CDK6: variants seen among roughly 807,000 people sequenced by gnomAD.
CDK6 encodes cyclin-dependent kinase 6.
CDK6 carries 6 observed loss-of-function variants against 37.1 expected under a neutral mutation model. The ratio of observed to expected loss-of-function variants is 0.16; its 90% confidence interval spans 0.09 to 0.32. The LOEUF (loss-of-function observed/expected upper bound fraction) is 0.32. CDK6 is among the 10% of genes least tolerant of loss of function. The probability of loss-of-function intolerance (pLI) is 1.00; values close to 1 mark genes in which losing one functional copy is unlikely to be tolerated. For synonymous variants in CDK6, 160 were observed against 161.3 expected, an observed-to-expected ratio of 0.99 and a Z score of 0.06; for missense variants, 224 against 418.9, an observed-to-expected ratio of 0.53 and a Z score of 4.06.
intron 4 of CDK6, among the ~76,000 whole-genome samples, chr7:92,696,096 C>T (rs956023833): frequency 2.0e-5 from 3 of 152,200 alleles, no homozygotes; most frequent in African/African-American, 7.2e-5. Context: ...AGGCAATGGA[C>T]TCAAGGTTAT....
intron 3 of CDK6, among the ~76,000 whole-genome samples, chr7:92,768,693 T>C (rs1799641996): frequency 6.6e-6 from 1 of 152,200 alleles, no homozygotes; most frequent in South Asian, 2.1e-4. Context: ...CACCTTATTA[T>C]GCAACATCTG....
At chr7:92,790,747 GA>G (rs1800261103) in intron 2 of CDK6, among the ~76,000 whole-genome samples, 1 of 152,040 alleles carries the variant, frequency 6.6e-6, no homozygotes, top group Non-Finnish European at 1.5e-5. Context: ...GGAATTTTAA[GA>G]AATGATAAAA....
rs1432152054 is a variant in CDK6, at chr7:92,611,508, TAC to T, written c.*3630_*3631del. 1 of 227,388 alleles carries T rather than the reference TAC, an allele frequency of 4.4e-6. No individual in the cohort carries two copies. The highest frequency in any genetic ancestry group is 8.7e-6 in the Non-Finnish European group (1 of 114,508). 14.1% of individuals were successfully genotyped at this position (227,388 alleles called of 1,614,324 possible). A position where few individuals can be genotyped will look rare whatever the true frequency, so the allele number is the denominator to read the frequency against. The stretch of plus-strand genomic sequence containing the variant: ...AATATGTTTATGATATTAGGAAGCT[TAC>T]ATAATTTAATTTCCACAATGGAACA... On this transcript the variant is annotated 3_prime_UTR_variant, in exon 8 of 8. Coordinates refer to ENST00000424848, the MANE Select transcript of CDK6 (RefSeq NM_001145306.2).
intron 5 of CDK6, among the ~76,000 whole-genome samples, chr7:92,644,391 T>C (rs927447039): frequency 2.0e-5 from 3 of 152,234 alleles, no homozygotes; most frequent in African/African-American, 4.8e-5. Context: ...TCACGATTAC[T>C]ATCTCATGTT....
At position 92,613,142 on chromosome 7, in the gene CDK6, GA is replaced by G. The variant is rs1213675951; in HGVS notation, c.*1997del. Reference sequence around the variant, plus strand: ...TCCTGTTCCTCAAGCTACTGAATTAGAACAATGTTAAGTAGTACAGCAATTA... The same window carrying G: ...TCCTGTTCCTCAAGCTACTGAATTAGACAATGTTAAGTAGTACAGCAATTA... On this transcript the variant is annotated 3_prime_UTR_variant, in exon 8 of 8. Coordinates refer to ENST00000424848, the MANE Select transcript of CDK6 (RefSeq NM_001145306.2). The G allele has an allele frequency of 4.3e-6, 1 of 232,938 alleles. No individual in the cohort carries two copies. Among genetic ancestry groups the G allele is most frequent in the Admixed American group, 5.6e-5 (1 of 17,780 alleles). 14.4% of individuals were successfully genotyped at this position (232,938 alleles called of 1,614,324 possible).
intron 4 of CDK6, among the ~76,000 whole-genome samples, chr7:92,675,118 G>A (rs545501703): frequency 6.6e-6 from 1 of 152,324 alleles, no homozygotes; most frequent in African/African-American, 2.4e-5. Context: ...ACAGGTGTGA[G>A]CCACTGTGCT....
In CDK6 at chr7:92,834,561, A is replaced by G. The variant is rs892368863; in HGVS notation, c.-367-871T>C. On this transcript the variant is annotated intron_variant, in intron 1 of 7. Transcript: ENST00000424848. The surrounding 1 kb of genome is among the most constrained non-coding windows in gnomAD (Gnocchi z 4.6). ...GTGGGAGAAAGGGGTGTTCGCCACA[A>G]TTTCGCTTGTCGTCTCCTTAAAGAA... Among the ~76,000 whole-genome samples, 1 of 151,384 alleles carries G rather than the reference A, an allele frequency of 6.6e-6. No homozygotes were observed. The highest frequency in any genetic ancestry group is 6.6e-5 in the Admixed American group (1 of 15,222).
At chr7:92,646,196 A>C (rs572835536) in intron 5 of CDK6, among the ~76,000 whole-genome samples, 2 of 152,278 alleles carry the variant, frequency 1.3e-5, no homozygotes, top group East Asian at 3.9e-4. Context: ...AACAGTTTTA[A>C]AAATCTGTAC....
intron 4 of CDK6, among the ~76,000 whole-genome samples, chr7:92,704,924 A>C (rs1421178136): frequency 6.6e-6 from 1 of 152,248 alleles, no homozygotes; most frequent in Non-Finnish European, 1.5e-5. Flanking sequence ...TATTTTCTAA[A>C]GTAGAGTATC....
chr7:92,780,536 G>A (rs1411035624), intron 2 of CDK6, among the ~76,000 whole-genome samples: 3 of 151,778 alleles, frequency 2.0e-5, no homozygotes, highest in African/African-American at 4.8e-5. Context: ...CGAGGAGGGC[G>A]GCTCACGAGG....
chr7:92,735,598 C>A (rs1220285345), intron 3 of CDK6, among the ~76,000 whole-genome samples: 9 of 152,192 alleles, frequency 5.9e-5, no homozygotes. Context: ...CAAGCGCTAT[C>A]CAGCTAGATT....
At chr7:92,806,336 C>T (rs535790830) in intron 2 of CDK6, among the ~76,000 whole-genome samples, 9 of 152,252 alleles carry the variant, frequency 5.9e-5, no homozygotes, top group East Asian at 1.9e-4. Flanking sequence ...CTATCAAAGA[C>T]GCCCGTTAAA....
chr7:92,821,723 TTA>T (rs941385999), intron 2 of CDK6, among the ~76,000 whole-genome samples: 23 of 151,346 alleles, frequency 1.5e-4, no homozygotes, highest in African/African-American at 4.4e-4. Flanking sequence ...ATAAATTATG[TTA>T]TATATATAAT....
chr7:92,672,190 TACACACACACAC>T lies in CDK6; in HGVS notation c.538-667_538-656del, dbSNP rs71107866. Among the ~76,000 whole-genome samples, 42 of 62,778 alleles carry T rather than the reference TACACACACACAC, an allele frequency of 6.7e-4. No homozygotes were observed. The East Asian group carries it at 8.8e-3, about 13-fold the overall frequency. The allele number at this position is 62,778 out of a possible 152,430, so 41.2% of individuals were successfully genotyped here. On this transcript the variant is annotated intron_variant, in intron 4 of 7. Transcript: ENST00000424848. ...ATACACACACACACACACAGACACA[TACACACACACAC>T]ACACACACACACACACACACACACA...
intron 3 of CDK6, among the ~76,000 whole-genome samples, chr7:92,756,055 T>C (rs1799311533): frequency 6.6e-6 from 1 of 151,520 alleles, no homozygotes; most frequent in Middle Eastern, 3.2e-3. Context: ...TTTAATATAA[T>C]AAGGGATCAA....
chr7:92,702,220 CTTTTTTTTTTTTTTTTTT>C lies in CDK6; in HGVS notation c.537+23388_537+23405del, dbSNP rs3066453. On this transcript the variant is annotated intron_variant, in intron 4 of 7. Coordinates refer to ENST00000424848, the MANE Select transcript of CDK6 (RefSeq NM_001145306.2). ...AATATGTTGCATTATCAAGTATATT[CTTTTTTTTTTTTTTTTTT>C]TTTTTTTTTTTTGAGACAGAGTCTT... Among the ~76,000 whole-genome samples, 14 of 44,958 alleles carry C rather than the reference CTTTTTTTTTTTTTTTTTT, an allele frequency of 3.1e-4. 1 individual carries two copies. The Admixed American group carries it at 3.8e-3, about 12-fold the overall frequency. The allele number at this position is 44,958 out of a possible 152,430, so 29.5% of individuals were successfully genotyped here. A position where few individuals can be genotyped will look rare whatever the true frequency, so the allele number is the denominator to read the frequency against.
chr7:92,788,943 C>A (rs1037857221), intron 2 of CDK6, among the ~76,000 whole-genome samples: 1 of 151,988 alleles, frequency 6.6e-6, no homozygotes, highest in African/African-American at 2.4e-5. Context: ...ACAAAGAACC[C>A]CCTCATCTCT....
intron 3 of CDK6, among the ~76,000 whole-genome samples, chr7:92,759,972 A>G (rs1243681616): frequency 1.3e-5 from 2 of 152,132 alleles, no homozygotes; most frequent in Non-Finnish European, 2.9e-5. Context: ...CATTAAACCA[A>G]TTCAGCATTC....
chr7:92,715,005 C>A (rs529594783), intron 4 of CDK6, among the ~76,000 whole-genome samples: 2 of 152,280 alleles, frequency 1.3e-5, no homozygotes, highest in East Asian at 3.9e-4. Context: ...GAACTGATAC[C>A]ATGTGCAGTC....
Sources: gnomAD v4.1 joint callset for allele counts (sites outside exome capture counted in the v4.1 genomes callset) on GRCh38, gnomAD v4.1.1 for gene constraint, Gnocchi (gnomAD v3.1) non-coding constraint, MANE v1.5 for transcripts, NCBI Gene and HGNC (gene_info 2026-07-23, HGNC 2026-07-21) for gene names.